OR51B5: variants seen among roughly 807,000 people sequenced by gnomAD.
OR51B5 encodes olfactory receptor 51B5.
For missense variants in OR51B5, 456 were observed against 374.6 expected (o/e 1.22, Z -1.79); for synonymous variants, 186 against 144.8 (o/e 1.28, Z -2.04).
chr11:5,489,150 CT>C (rs1216686518), intron 1 of OR51B5: 1 of 1,613,812 alleles, frequency 6.2e-7, no homozygotes, highest in Non-Finnish European at 8.5e-7. Flanking sequence ...GCAGAATTGG[CT>C]TTGTTGGGCT....
At chr11:5,404,181 G>A (rs1208813015) in intron 1 of OR51B5, among the ~76,000 whole-genome samples, 3 of 143,020 alleles carry the variant, frequency 2.1e-5, no homozygotes, top group South Asian at 2.5e-4. Flanking sequence ...GGGAGGGCGG[G>A]GGGCGGAACT....
intron 1 of OR51B5, among the ~76,000 whole-genome samples, chr11:5,387,948 A>G (rs1409996344): frequency 6.6e-6 from 1 of 152,032 alleles, no homozygotes; most frequent in African/African-American, 2.4e-5. Flanking sequence ...TGTTCATTGT[A>G]TTTTCAGTAC....
At chr11:5,355,762 TAAAAA>T (rs10581803) in intron 1 of OR51B5, among the ~76,000 whole-genome samples, 1 of 148,492 alleles carries the variant, frequency 6.7e-6, no homozygotes, top group Non-Finnish European at 1.5e-5. Context: ...CTTTAAAAAT[TAAAAA>T]AAAAAAAAAG....
At chr11:5,417,252 CTT>C (rs1472976359) in intron 1 of OR51B5, among the ~76,000 whole-genome samples, 8 of 148,318 alleles carry the variant, frequency 5.4e-5, no homozygotes, top group African/African-American at 2.0e-4. Flanking sequence ...GGATCCCTTC[CTT>C]ACACCTTATA....
In OR51B5 at chr11:5,414,564, C is replaced by A. The variant is rs528391287; in HGVS notation, n.85-67654G>T. 2.2e-3 allele frequency among the ~76,000 whole-genome samples: 328 copies of A among 151,428 alleles called. 2 individuals are homozygous for A. Among genetic ancestry groups the A allele is most frequent in the African/African-American group, 7.5e-3 (311 of 41,298 alleles). ...TCTCACATGCAGAGACACACATAGG[C>A]TCAAAATAAAAGGATGGAGGAAGAT... On this transcript the variant is annotated intron_variant and non_coding_transcript_variant, in intron 1 of 4. Transcript: ENST00000415970.
intron 1 of OR51B5, chr11:5,389,386 C>G (rs376509486): frequency 9.7e-5 from 156 of 1,607,288 alleles, no homozygotes; most frequent in Non-Finnish European, 1.3e-4. Flanking sequence ...ATTTTCAGCT[C>G]AATCCCCGAG....
intron 1 of OR51B5, among the ~76,000 whole-genome samples, chr11:5,408,224 GT>G (rs759381207): frequency 6.6e-6 from 1 of 151,974 alleles, no homozygotes; most frequent in Non-Finnish European, 1.5e-5. Context: ...GCTCACTCCA[GT>G]CCCTTCCTCA....
At chr11:5,402,137 A>C (rs1222084664) in intron 1 of OR51B5, among the ~76,000 whole-genome samples, 1 of 151,870 alleles carries the variant, frequency 6.6e-6, no homozygotes, top group Non-Finnish European at 1.5e-5. Flanking sequence ...TCAGCCTCTC[A>C]AGTAGCTGGG....
At chr11:5,349,201 G>C (rs1849037738) in intron 1 of OR51B5, among the ~76,000 whole-genome samples, 1 of 152,042 alleles carries the variant, frequency 6.6e-6, no homozygotes, top group Non-Finnish European at 1.5e-5. Flanking sequence ...TACCACAAAA[G>C]CAACTGAGTG....
At chr11:5,453,884 T>A in intron 1 of OR51B5, 9 of 1,614,238 alleles carry the variant, frequency 5.6e-6, no homozygotes, top group Non-Finnish European at 7.6e-6. Flanking sequence ...CCTTGCGCTA[T>A]GCAACTGTGC....
intron 1 of OR51B5, chr11:5,453,475 A>C (rs1240305349): frequency 3.3e-6 from 5 of 1,503,114 alleles, no homozygotes; most frequent in African/African-American, 1.4e-5. Flanking sequence ...AAAGTACCCT[A>C]AGTTTGTTTT....
intron 1 of OR51B5, chr11:5,430,977 G>A (rs1253861526): frequency 4.2e-5 from 19 of 456,874 alleles, no homozygotes; most frequent in Admixed American, 3.5e-4. Context: ...AGTCCAGCCC[G>A]AAATTTGCGA....
intron 1 of OR51B5, among the ~76,000 whole-genome samples, chr11:5,371,698 A>T (rs1406283819): frequency 6.6e-6 from 1 of 152,140 alleles, no homozygotes; most frequent in African/African-American, 2.4e-5. Flanking sequence ...TGATTACTTC[A>T]ATCAAGCAAA....
At chr11:5,500,696 C>T (rs1259576798) in intron 1 of OR51B5, among the ~76,000 whole-genome samples, 1 of 148,170 alleles carries the variant, frequency 6.7e-6, no homozygotes, top group Non-Finnish European at 1.5e-5. Flanking sequence ...TCTATGAAGA[C>T]CCACTCCTAA....
chr11:5,375,781 C>A (rs1341447139), intron 1 of OR51B5, among the ~76,000 whole-genome samples: 1 of 152,092 alleles, frequency 6.6e-6, no homozygotes, highest in African/African-American at 2.4e-5. Flanking sequence ...TATATATGCA[C>A]CCAATACAGG....
intron 1 of OR51B5, among the ~76,000 whole-genome samples, chr11:5,416,187 C>A (rs1469291980): frequency 6.8e-6 from 1 of 147,494 alleles, no homozygotes; most frequent in Non-Finnish European, 1.5e-5. Context: ...ACATGATTAT[C>A]TCAATAGATG....
intron 1 of OR51B5, chr11:5,430,592 A>G (rs1383029014): frequency 7.5e-6 from 3 of 400,982 alleles, no homozygotes; most frequent in East Asian, 7.2e-5. Context: ...AGCTTTGCCC[A>G]TAGCAGAAAC....
At chr11:5,355,334 A>G (rs1849175089) in intron 1 of OR51B5, 1 of 160,002 alleles carries the variant, frequency 6.2e-6, no homozygotes, top group African/African-American at 2.4e-5. Context: ...GCTAAGTTTC[A>G]TAAGGAAACT....
chr11:5,489,060 A>T (rs1210664269), intron 1 of OR51B5: 1 of 1,614,018 alleles, frequency 6.2e-7, no homozygotes, highest in East Asian at 2.2e-5. Context: ...CCTCAATTCT[A>T]CTTGCCATGG....
Sources: gnomAD v4.1 joint callset for allele counts (sites outside exome capture counted in the v4.1 genomes callset) on GRCh38, gnomAD v4.1.1 for gene constraint, MANE v1.5 for transcripts, NCBI Gene and HGNC (gene_info 2026-07-23, HGNC 2026-07-21) for gene names.